EPHB1: variants seen among roughly 807,000 people sequenced by gnomAD.
EPHB1 encodes ephrin type-B receptor 1.
In EPHB1, 30 loss-of-function variants were observed where a neutral mutation model predicts 94.4. The observed-to-expected ratio is 0.32, with a 90% CI of 0.24 to 0.43. The LOEUF (loss-of-function observed/expected upper bound fraction) is 0.43, where lower values mean the gene tolerates loss of function less well. EPHB1 is among the 20% of genes least tolerant of loss of function. EPHB1 has a pLI of 1.00. For missense variants in EPHB1, 1,055 were observed against 1,308.3 expected (o/e 0.81, Z 2.99); for synonymous variants, 522 against 489.1 (o/e 1.07, Z -0.89).
chr3:135,097,777 C>T (rs1338839352), intron 3 of EPHB1, among the ~76,000 whole-genome samples: 2 of 152,248 alleles, frequency 1.3e-5, no homozygotes, highest in African/African-American at 4.8e-5. Flanking sequence ...GAGGCAAGAA[C>T]TGGAGACTCA....
In EPHB1 at chr3:134,955,071, C is replaced by CTTTTTTTTTTTTTTTTTTTTT. The variant is rs1197013147; in HGVS notation, c.805+3031_805+3051dup. ...CTAAGGCCTGTTCCTGACATCCTTT[C>CTTTTTTTTTTTTTTTTTTTTT]TTTTTTTTTTTTTTTTTTTTTTTTT... On this transcript the variant is annotated intron_variant, in intron 3 of 15. Coordinates refer to ENST00000398015, the MANE Select transcript of EPHB1 (RefSeq NM_004441.5). 3.6e-4 allele frequency among the ~76,000 whole-genome samples: 3 copies of CTTTTTTTTTTTTTTTTTTTTT among 8,414 alleles called. 1 individual carries two copies. Among genetic ancestry groups the CTTTTTTTTTTTTTTTTTTTTT allele is most frequent in the Non-Finnish European group, 6.3e-4 (3 of 4,798 alleles). The allele number at this position is 8,414 out of a possible 152,430, so 5.5% of individuals were successfully genotyped here. A position where few individuals can be genotyped will look rare whatever the true frequency, so the allele number is the denominator to read the frequency against.
At chr3:135,135,300 TG>T (rs3836283) in intron 5 of EPHB1, among the ~76,000 whole-genome samples, 27,171 of 152,164 alleles carry the variant, frequency 0.18, 2,500 homozygotes, top group East Asian at 0.25. Flanking sequence ...ATCTATGGGC[TG>T]TGGACTGAGG....
intron 4 of EPHB1, among the ~76,000 whole-genome samples, chr3:135,115,519 AC>A (rs1939658885): frequency 6.6e-6 from 1 of 151,928 alleles, no homozygotes; most frequent in Non-Finnish European, 1.5e-5. Context: ...CTATTCTGGT[AC>A]CAGAATCATG....
At chr3:135,076,494 T>C (rs1294634962) in intron 3 of EPHB1, among the ~76,000 whole-genome samples, 1 of 152,164 alleles carries the variant, frequency 6.6e-6, no homozygotes, top group Non-Finnish European at 1.5e-5. Context: ...ACAATACTGC[T>C]GGGAATGTAA....
intron 6 of EPHB1, 180 bp downstream of exon 6, chr3:135,154,456 C>T: frequency 2.6e-6 from 2 of 778,920 alleles, no homozygotes; most frequent in Non-Finnish European, 3.9e-6. Flanking sequence ...TGTTCAAAGC[C>T]CAGGCACTTT....
intron 1 of EPHB1, among the ~76,000 whole-genome samples, chr3:134,916,102 C>A (rs1275603298): frequency 6.6e-6 from 1 of 152,082 alleles, no homozygotes; most frequent in Non-Finnish European, 1.5e-5. Context: ...TCTCCAAGTC[C>A]CCACTAGATT....
chr3:134,852,954 C>G (rs1578138194), intron 1 of EPHB1, among the ~76,000 whole-genome samples: 1 of 152,168 alleles, frequency 6.6e-6, no homozygotes, highest in African/African-American at 2.4e-5. Flanking sequence ...CTGAGCCTCA[C>G]AGTCTCCTTC....
chr3:135,114,244 T>C (rs1231929683), intron 4 of EPHB1, among the ~76,000 whole-genome samples: 1 of 152,166 alleles, frequency 6.6e-6, no homozygotes, highest in Non-Finnish European at 1.5e-5. Context: ...GTATAATTGC[T>C]AAGAGTGTGG....
intron 11 of EPHB1, among the ~76,000 whole-genome samples, chr3:135,195,304 C>T (rs1195193576): frequency 6.6e-6 from 1 of 151,976 alleles, no homozygotes. Context: ...CCCCACACTG[C>T]TGCTCTTCCT....
intron 3 of EPHB1, among the ~76,000 whole-genome samples, chr3:135,003,803 AT>A (rs1448495647): frequency 7.8e-6 from 1 of 129,026 alleles, no homozygotes; most frequent in Non-Finnish European, 1.8e-5. Context: ...TTTGTTTTCC[AT>A]TTGCTTGGTA....
At chr3:135,204,184 CTTAA>C (rs61175184) in intron 12 of EPHB1, among the ~76,000 whole-genome samples, 56,721 of 151,332 alleles carry the variant, frequency 0.37, 10,861 homozygotes, top group East Asian at 0.52. Flanking sequence ...TTTTAGTTAT[CTTAA>C]TTAATTAAGT....
intron 1 of EPHB1, among the ~76,000 whole-genome samples, chr3:134,924,309 GAC>G (rs2038746483): frequency 6.6e-6 from 1 of 152,054 alleles, no homozygotes; most frequent in Non-Finnish European, 1.5e-5. Context: ...GAAAACATAA[GAC>G]ACAGACTGGG....
At chr3:135,233,040 C>T (rs1390404751) in intron 12 of EPHB1, among the ~76,000 whole-genome samples, 1 of 152,152 alleles carries the variant, frequency 6.6e-6, no homozygotes, top group African/African-American at 2.4e-5. Flanking sequence ...GGGAGATAGC[C>T]AAATCATACC....
chr3:134,826,777 G>C (rs1169887024), intron 1 of EPHB1, among the ~76,000 whole-genome samples: 1 of 152,150 alleles, frequency 6.6e-6, no homozygotes, highest in Non-Finnish European at 1.5e-5. Flanking sequence ...CGAGGGAAGA[G>C]GGCAAGAGTC....
chr3:134,942,337 G>A (rs1489050837), intron 2 of EPHB1, among the ~76,000 whole-genome samples: 2 of 152,204 alleles, frequency 1.3e-5, no homozygotes, highest in East Asian at 3.8e-4. Context: ...AGAATGACTG[G>A]GAGAGTTACT....
At chr3:135,232,054 A>G (rs1043809021) in intron 12 of EPHB1, among the ~76,000 whole-genome samples, 1 of 152,074 alleles carries the variant, frequency 6.6e-6, no homozygotes, top group African/African-American at 2.4e-5. Flanking sequence ...TATTATATAG[A>G]CTCAGTTGCA....
chr3:135,007,885 G>C (rs1274358019), intron 3 of EPHB1, among the ~76,000 whole-genome samples: 1 of 152,204 alleles, frequency 6.6e-6, no homozygotes. Context: ...ACGAAGGGCA[G>C]CACCAGGCGA....
intron 1 of EPHB1, among the ~76,000 whole-genome samples, chr3:134,844,257 C>T (rs1435291675): frequency 6.6e-6 from 1 of 152,220 alleles, no homozygotes; most frequent in Non-Finnish European, 1.5e-5. Flanking sequence ...CCTTGAGCCT[C>T]AAGACTTGCA....
intron 1 of EPHB1, among the ~76,000 whole-genome samples, chr3:134,906,155 G>A (rs181428667): frequency 1.3e-5 from 2 of 152,268 alleles, no homozygotes; most frequent in Admixed American, 1.3e-4. Context: ...TGAGGCCTGT[G>A]TTCCCCATGT....
Sources: allele counts gnomAD v4.1 joint callset (sites outside exome capture counted in the v4.1 genomes callset), GRCh38; gene constraint gnomAD v4.1.1; transcripts MANE v1.5; gene names NCBI Gene and HGNC (gene_info 2026-07-23, HGNC 2026-07-21).